The following ABHD6 variants were observed in gnomAD, a reference collection of about 807,000 sequenced individuals.
ABHD6 encodes the protein abhydrolase domain containing 6, acylglycerol lipase.
Under a neutral mutation model 38.8 loss-of-function variants are expected in ABHD6, and 33 were observed. That is an observed-to-expected ratio of 0.85 (90% CI 0.64 to 1.14). The LOEUF (loss-of-function observed/expected upper bound fraction) is 1.14. Ranked by LOEUF, ABHD6 falls within the 50% of genes most tolerant of loss-of-function variation. The probability of loss-of-function intolerance (pLI) is 0.00; values close to 1 mark genes in which losing one functional copy is unlikely to be tolerated. For missense variants in ABHD6, 380 were observed against 422.6 expected, an observed-to-expected ratio of 0.90 and a Z score of 0.88; for synonymous variants, 147 against 161.6, an observed-to-expected ratio of 0.91 and a Z score of 0.69.
chr3:58,272,302 G>A (rs749414629), intron 6 of ABHD6, among the ~76,000 whole-genome samples: 7 of 152,178 alleles, frequency 4.6e-5, no homozygotes, highest in Non-Finnish European at 8.8e-5. Flanking sequence ...ACAGAGCCCA[G>A]GCTGCCTGAC....
intron 3 of ABHD6, among the ~76,000 whole-genome samples, chr3:58,261,246 AAAT>A (rs1229012364): frequency 6.6e-6 from 1 of 152,218 alleles, no homozygotes; most frequent in East Asian, 1.9e-4. Context: ...GGAAAAGAAG[AAAT>A]AATAATAATC....
At chr3:58,272,896 A>G (rs1212022141) in intron 6 of ABHD6, among the ~76,000 whole-genome samples, 1 of 152,154 alleles carries the variant, frequency 6.6e-6, no homozygotes, top group Non-Finnish European at 1.5e-5. Flanking sequence ...GCCCCATATA[A>G]CCTATACTCA....
In ABHD6 at chr3:58,293,922, G is replaced by A. The variant is rs1413965006; in HGVS notation, c.*157G>A. 4 of 725,112 alleles carry A rather than the reference G, an allele frequency of 5.5e-6. No homozygotes were observed. In the Admixed American group the frequency reaches 9.6e-5, roughly 17 times the overall value. The allele number at this position is 725,112 out of a possible 1,614,324, so 44.9% of individuals were successfully genotyped here. A position where few individuals can be genotyped will look rare whatever the true frequency, so the allele number is the denominator to read the frequency against. On this transcript the variant is annotated 3_prime_UTR_variant, in exon 10 of 10. Transcript: ENST00000478253. This position sits in a 1 kb window ranked among gnomAD's most constrained non-coding sequence, Gnocchi z 4.4. ...TATCCCTGGTATCCACGGTTCCCCA[G>A]AGCTTTGGGGACCACGCGAAAACCT... is the stretch of plus-strand genomic sequence containing the variant.
chr3:58,264,417 ACACACACACACACACAC>A lies in ABHD6; in HGVS notation c.120-2771_120-2755del, dbSNP rs1559776220. On this transcript the variant is annotated intron_variant, in intron 3 of 9. Transcript: ENST00000478253. ...CACACACACACACACACACACACACACACACACACACACACACACACACACACATATGCCAGGTGCAG... is the reference window on the plus strand; with the variant it reads ...CACACACACACACACACACACACACAACACACACACATATGCCAGGTGCAG... Among the ~76,000 whole-genome samples the A allele has an allele frequency of 2.8e-5, 4 of 141,324 alleles. No individual in the cohort carries two copies. The East Asian group carries it at 7.7e-4, about 27-fold the overall frequency. The allele number at this position is 141,324 out of a possible 152,430, so 92.7% of individuals were successfully genotyped here. A position where few individuals can be genotyped will look rare whatever the true frequency, so the allele number is the denominator to read the frequency against.
intron 2 of ABHD6, among the ~76,000 whole-genome samples, chr3:58,250,320 A>G (rs1272197494): frequency 6.6e-6 from 1 of 152,206 alleles, no homozygotes; most frequent in Non-Finnish European, 1.5e-5. Flanking sequence ...CCAAGGGGTC[A>G]GCAGGAAGGA....
At chr3:58,239,199 T>C (rs1419638003) in intron 1 of ABHD6, among the ~76,000 whole-genome samples, 1 of 151,772 alleles carries the variant, frequency 6.6e-6, no homozygotes, top group African/African-American at 2.4e-5. Flanking sequence ...TGTTATAATA[T>C]AGGAAATTAG....
rs1423155064 is a variant in ABHD6, at chr3:58,251,557, A to G, written c.-26+1615A>G. Among the ~76,000 whole-genome samples the G allele has an allele frequency of 2.0e-5, 3 of 152,122 alleles. No individual in the cohort carries two copies. Among genetic ancestry groups the G allele is most frequent in the Non-Finnish European group, 4.4e-5 (3 of 68,024 alleles). On this transcript the variant is annotated intron_variant, in intron 2 of 9. Transcript: ENST00000478253. The surrounding 1 kb of genome is among the most constrained non-coding windows in gnomAD (Gnocchi z 5.4). ...GATTAAACTTCATTTCCCTGATGTA[A>G]TGTTTATCTGGATCCACTGACATGT...
In ABHD6 at chr3:58,285,480, T is replaced by C; in HGVS notation, c.837+27T>C. On this transcript the variant is annotated intron_variant, in intron 9 of 9. Transcript: ENST00000478253. This position sits in a 1 kb window ranked among gnomAD's most constrained non-coding sequence, Gnocchi z 4.9. ...TATGTAACACATCCCCGCGGCAGTC[T>C]GTGCTGGTCACCAGGGCCTCTGAGG... The C allele has an allele frequency of 6.3e-7, 1 of 1,593,874 alleles. No homozygotes were observed. Among genetic ancestry groups the C allele is most frequent in the East Asian group, 2.2e-5 (1 of 44,774 alleles).
intron 6 of ABHD6, among the ~76,000 whole-genome samples, 169 bp downstream of exon 6, chr3:58,271,233 A>G (rs1456515846): frequency 2.6e-5 from 4 of 152,158 alleles, no homozygotes; most frequent in African/African-American, 9.7e-5. Flanking sequence ...AATCATAATC[A>G]TAACCAGACT....
At chr3:58,279,007 T>A (rs150989363) in intron 7 of ABHD6, among the ~76,000 whole-genome samples, 1,712 of 152,230 alleles carry the variant, frequency 0.011, 29 homozygotes, top group African/African-American at 0.039. Flanking sequence ...TGCTGAGGAG[T>A]GCTTTACTTC....
Position 58,285,317 on chromosome 3 carries a change from C to G in ABHD6, c.737-36C>G. On this transcript the variant is annotated intron_variant, in intron 8 of 9. Coordinates refer to ENST00000478253, the MANE Select transcript of ABHD6 (RefSeq NM_001320126.2). This position sits in a 1 kb window ranked among gnomAD's most constrained non-coding sequence, Gnocchi z 4.9. ...CTGCGGTGGTGCCACAGGCACAGTC[C>G]AGCACATACTCACTTTGTTTTCCTT... 6.2e-7 allele frequency: 1 copy of G among 1,602,034 alleles called. No individual in the cohort carries two copies. Among genetic ancestry groups the G allele is most frequent in the Non-Finnish European group, 8.6e-7 (1 of 1,169,094 alleles).
At chr3:58,275,206 A>G (rs1277787818) in intron 7 of ABHD6, among the ~76,000 whole-genome samples, 2 of 152,046 alleles carry the variant, frequency 1.3e-5, no homozygotes, top group African/African-American at 4.8e-5. Context: ...TTCAAGACAA[A>G]GGAAGCCAGG....
At chr3:58,280,196 T>C (rs1049195866) in intron 7 of ABHD6, among the ~76,000 whole-genome samples, 1 of 152,220 alleles carries the variant, frequency 6.6e-6, no homozygotes, top group Non-Finnish European at 1.5e-5. Flanking sequence ...TCCAACTTGG[T>C]TCCATTCTTC....
chr3:58,281,843 C>T (rs1028755432), intron 7 of ABHD6, among the ~76,000 whole-genome samples: 1 of 152,070 alleles, frequency 6.6e-6, no homozygotes, highest in Non-Finnish European at 1.5e-5. Context: ...AGGCCGGGTG[C>T]GGTGGTTCAT....
chr3:58,290,002 C>CA (rs2097460716), intron 9 of ABHD6, among the ~76,000 whole-genome samples: 3 of 141,432 alleles, frequency 2.1e-5, no homozygotes, highest in African/African-American at 8.3e-5. Context: ...CTGACCCCCC[C>CA]ACCTCCCTCC....
At chr3:58,275,232 A>G (rs2097447899) in intron 7 of ABHD6, among the ~76,000 whole-genome samples, 1 of 152,020 alleles carries the variant, frequency 6.6e-6, no homozygotes, top group Admixed American at 6.6e-5. Flanking sequence ...TGGAGCCCCA[A>G]GAATAAGAGA....
intron 7 of ABHD6, among the ~76,000 whole-genome samples, chr3:58,283,824 A>G (rs2107471317): frequency 6.6e-6 from 1 of 152,360 alleles, no homozygotes; most frequent in South Asian, 2.1e-4. Context: ...CAAGATGAAT[A>G]GATATGTGGG....
chr3:58,258,740 G>A (rs943107297), intron 3 of ABHD6: 1 of 153,306 alleles, frequency 6.5e-6, no homozygotes, highest in African/African-American at 2.4e-5. Context: ...GCTCCTTTTT[G>A]CTTCACTTGA....
chr3:58,266,759 A>G lies in ABHD6; in HGVS notation c.120-430A>G, dbSNP rs1341118524. 6.6e-6 allele frequency among the ~76,000 whole-genome samples: 1 copy of G among 152,164 alleles called. No homozygotes were observed. Among genetic ancestry groups the G allele is most frequent in the Non-Finnish European group, 1.5e-5 (1 of 68,018 alleles). The stretch of plus-strand genomic sequence containing the variant: ...TTTTGGGCCAAAGTCCAGCACTGCC[A>G]AGTCTTATGTAACCAGCAGAAGCTG... On this transcript the variant is annotated intron_variant, in intron 3 of 9. Transcript: ENST00000478253. The surrounding 1 kb of genome is among the most constrained non-coding windows in gnomAD (Gnocchi z 4.0).
Sources: allele counts gnomAD v4.1 joint callset (sites outside exome capture counted in the v4.1 genomes callset), GRCh38; gene constraint gnomAD v4.1.1; non-coding constraint Gnocchi (gnomAD v3.1); transcripts MANE v1.5; gene names NCBI Gene and HGNC (gene_info 2026-07-23, HGNC 2026-07-21).